Variants in KIF7 observed in about 807,000 individuals in gnomAD.
KIF7 encodes kinesin family member 7.
KIF7 carries 104 observed loss-of-function variants against 135.7 expected under a neutral mutation model. That is an observed-to-expected ratio of 0.77 (90% CI 0.65 to 0.90). KIF7 has a LOEUF of 0.90. Ranked by LOEUF, KIF7 falls within the 40% of genes least tolerant of loss-of-function variation. The pLI, the probability that KIF7 is intolerant of heterozygous loss-of-function variation, is 0.00. For synonymous variants in KIF7, 883 were observed against 809.4 expected (o/e 1.09, Z -1.54); for missense variants, 2,005 against 1,839.1 (o/e 1.09, Z -1.65).
rs1188936390 is a variant in KIF7 at position 89,649,181 on chromosome 15, G to T, written c.716C>A (p.Ala239Asp). 22 of 1,547,224 alleles carry T rather than the reference G, an allele frequency of 1.4e-5. No individual in the cohort carries two copies. Among genetic ancestry groups the T allele is most frequent in the Non-Finnish European group, 1.9e-5 (22 of 1,146,502 alleles). The change falls in exon 4 of 19, where the codon GCC becomes GAC. Residue 239 changes from alanine (A) to aspartate (D), a missense_variant. By Grantham distance (126) the Ala-to-Asp change is moderately radical. Transcript: ENST00000394412. ...GRAPSRLPRP[A>D]PGQLLVSKFH... ...CTTGGAGACGAGCAGCTGGCCCGGG[G>T]CGGGGCGGGGTAGGCGGCTGGGGGC... is the stretch of plus-strand genomic sequence containing the variant.
intron 11 of KIF7, among the ~76,000 whole-genome samples, chr15:89,634,881 G>C (rs993622507): frequency 1.3e-5 from 2 of 152,194 alleles, no homozygotes; most frequent in Admixed American, 6.5e-5. Context: ...GCAGGGCACA[G>C]ACAAACAAAA....
intron 1 of KIF7, among the ~76,000 whole-genome samples, chr15:89,620,441 C>A (rs1963405648): frequency 6.6e-6 from 1 of 151,840 alleles, no homozygotes; most frequent in Non-Finnish European, 1.5e-5. Context: ...CTGCTGGGCT[C>A]AAGTGATCCA....
At chr15:89,624,854 C>G (rs770751817), downstream of KIF7, 1 of 1,614,042 alleles carries the variant, frequency 6.2e-7, no homozygotes, top group East Asian at 2.2e-5. Flanking sequence ...TCCTGTGGGC[C>G]TGGCTCTCCT....
chr15:89,631,757 TCA>T (rs1310744075), intron 14 of KIF7, 47 bp from the exon 15 acceptor site: 20 of 1,473,984 alleles, frequency 1.4e-5, no homozygotes, highest in East Asian at 2.5e-5. Flanking sequence ...GGCACTGTCC[TCA>T]CAGGGGGGAC....
At chr15:89,630,546 G>C (rs1443965221) in intron 15 of KIF7, 53 bp from the exon 16 acceptor site, 1 of 1,437,596 alleles carries the variant, frequency 7.0e-7, no homozygotes, top group African/African-American at 1.4e-5. Flanking sequence ...GAATGCTGAA[G>C]TCCTGGGCAG....
chr15:89,626,925 CT>C, downstream of KIF7: 1 of 1,607,912 alleles, frequency 6.2e-7, no homozygotes, highest in Non-Finnish European at 8.5e-7. Context: ...TCTGTGACTC[CT>C]GCATGCTAAG....
intron 11 of KIF7, among the ~76,000 whole-genome samples, chr15:89,636,804 G>C (rs1386787340): frequency 7.0e-6 from 1 of 142,478 alleles, no homozygotes; most frequent in East Asian, 2.0e-4. Flanking sequence ...CCCAGGAATT[G>C]AACTCAGCTC....
intron 7 of KIF7, 79 bp from the exon 8 acceptor site, chr15:89,646,105 T>C (rs1006537142): frequency 3.9e-6 from 6 of 1,557,050 alleles, no homozygotes; most frequent in Non-Finnish European, 5.3e-6. Context: ...CTCATATCTC[T>C]CCCTCCTCAA....
the KIF7 span, among the ~76,000 whole-genome samples, chr15:89,662,601 G>A: frequency 6.6e-6 from 1 of 152,214 alleles, no homozygotes; most frequent in Non-Finnish European, 1.5e-5. Flanking sequence ...AGTTAGAAGC[G>A]GGTTTTGTAA....
At chr15:89,625,180 C>A (rs892959084), downstream of KIF7, 55 of 1,613,328 alleles carry the variant, frequency 3.4e-5, no homozygotes, top group Non-Finnish European at 4.7e-5. Flanking sequence ...CTATGTGTCA[C>A]CCCCCTGCCC....
intron 2 of KIF7, among the ~76,000 whole-genome samples, chr15:89,652,325 C>T (rs1269023668): frequency 6.6e-6 from 1 of 152,178 alleles, no homozygotes; most frequent in East Asian, 1.9e-4. Flanking sequence ...CTTCCCGTGC[C>T]CTTCCTCTGC....
At chr15:89,660,834 G>T in the KIF7 span, among the ~76,000 whole-genome samples, 2 of 152,164 alleles carry the variant, frequency 1.3e-5, no homozygotes, top group East Asian at 3.9e-4. Context: ...AGGACTTGTG[G>T]TGAGACTTGG....
At chr15:89,630,531 T>C (rs1279721203) in intron 15 of KIF7, 38 bp from the exon 16 acceptor site, 4 of 1,487,818 alleles carry the variant, frequency 2.7e-6, no homozygotes, top group Non-Finnish European at 3.6e-6. Context: ...CAGCACCCAC[T>C]GCCTGAATGC....
At chr15:89,632,743 A>C in intron 14 of KIF7, 77 bp downstream of exon 14, 2 of 1,490,572 alleles carry the variant, frequency 1.3e-6, no homozygotes, top group Non-Finnish European at 1.8e-6. Context: ...GCAGGAGCTC[A>C]CCTGGCAAGA....
rs768110060 is a variant in KIF7 at position 89,633,792 on chromosome 15, T to C, written c.2486A>G (p.Gln829Arg). The C allele has an allele frequency of 6.2e-7, 1 of 1,612,180 alleles. No individual in the cohort carries two copies. ...CTGTCCCTGCTGCTGCCGCATGAGC[T>C]GCACGTTCCGCTCGAGCTCCTGCAG... ...KRLQELERNV[Q>R]LMRQQQGQLQ... is the part of the protein sequence containing the mutation. Residue 829 changes from glutamine to arginine, a missense_variant, in exon 12 of 19, where the codon CAG (glutamine) becomes CGG (arginine). By Grantham distance (43) the Gln-to-Arg change is conservative. Transcript: ENST00000394412.
chr15:89,627,011 T>C (rs956124524), downstream of KIF7: 2 of 1,613,988 alleles, frequency 1.2e-6, no homozygotes, highest in Admixed American at 1.7e-5. Flanking sequence ...TCAGTCGCGC[T>C]TTCTCCAGGA....
intron 1 of KIF7, among the ~76,000 whole-genome samples, chr15:89,653,864 T>C (rs932196298): frequency 3.3e-5 from 5 of 151,952 alleles, no homozygotes; most frequent in African/African-American, 1.2e-4. Context: ...CAAAGTGCAG[T>C]GACTACAGGC....
At chr15:89,644,120 T>C (rs1458851589) in intron 10 of KIF7, among the ~76,000 whole-genome samples, 3 of 152,156 alleles carry the variant, frequency 2.0e-5, no homozygotes, top group Non-Finnish European at 4.4e-5. Flanking sequence ...GATGGGTATA[T>C]GGGACCCATG....
chr15:89,661,816 G>C, the KIF7 span, among the ~76,000 whole-genome samples: 1 of 151,814 alleles, frequency 6.6e-6, no homozygotes, highest in Non-Finnish European at 1.5e-5. Context: ...CCGCCTTCTG[G>C]TTTCAAGCGA....
Sources: gnomAD v4.1 joint callset for allele counts (sites outside exome capture counted in the v4.1 genomes callset) on GRCh38, gnomAD v4.1.1 for gene constraint, MANE v1.5 for transcripts, NCBI Gene and HGNC (gene_info 2026-07-23, HGNC 2026-07-21) for gene names.